Variants in MVB12B observed in about 807,000 individuals in gnomAD.
The protein encoded by MVB12B is ESCRT-I complex subunit MVB12B.
A neutral mutation model predicts 41.6 loss-of-function variants in MVB12B; 16 were observed. The observed-to-expected ratio is 0.38, with a 90% CI of 0.26 to 0.58. MVB12B has a LOEUF of 0.58. Ranked by LOEUF, MVB12B falls within the 20% of genes least tolerant of loss-of-function variation. MVB12B has a pLI of 0.62. For missense variants in MVB12B, 274 were observed against 380.2 expected, an observed-to-expected ratio of 0.72 and a Z score of 2.32; for synonymous variants, 133 against 139.7, an observed-to-expected ratio of 0.95 and a Z score of 0.34.
Position 126,395,790 on chromosome 9 carries a change from C to T in MVB12B, c.662+93C>T, listed in dbSNP as rs1831096271. The T allele has an allele frequency of 2.2e-5, 34 of 1,550,236 alleles. No individual in the cohort carries two copies. Among genetic ancestry groups the T allele is most frequent in the Non-Finnish European group, 3.0e-5 (34 of 1,150,492 alleles). ...CCACCACTTAGTGTCTGCTGAAATA[C>T]TGCAAAGTACAGCTGAATAATTGTA... is the stretch of plus-strand genomic sequence containing the variant. On this transcript the variant is annotated intron_variant, in intron 6 of 9. Coordinates refer to ENST00000361171, the MANE Select transcript of MVB12B (RefSeq NM_033446.3). This position sits in a 1 kb window ranked among gnomAD's most constrained non-coding sequence, Gnocchi z 4.9.
intron 2 of MVB12B, among the ~76,000 whole-genome samples, chr9:126,354,901 C>T (rs988732688): frequency 1.3e-5 from 2 of 152,112 alleles, no homozygotes; most frequent in African/African-American, 2.4e-5. Context: ...GAAATATCAT[C>T]GATTTTCAGC....
chr9:126,404,903 G>A (rs1225982079), intron 6 of MVB12B, among the ~76,000 whole-genome samples: 1 of 152,226 alleles, frequency 6.6e-6, no homozygotes, highest in Admixed American at 6.5e-5. Context: ...GGCCGCTCTT[G>A]GACCCGTATC....
chr9:126,406,140 G>A (rs1213961896), intron 6 of MVB12B, among the ~76,000 whole-genome samples: 1 of 151,934 alleles, frequency 6.6e-6, no homozygotes, highest in Non-Finnish European at 1.5e-5. Context: ...TTCATCCAAG[G>A]GCAGAGAGTT....
intron 7 of MVB12B, among the ~76,000 whole-genome samples, chr9:126,441,573 G>A (rs1008660083): frequency 3.3e-5 from 5 of 152,170 alleles, no homozygotes; most frequent in Admixed American, 1.3e-4. Context: ...TTTCTTAACC[G>A]ATAAGAAGCC....
intron 7 of MVB12B, among the ~76,000 whole-genome samples, chr9:126,423,915 C>T (rs1317392252): frequency 2.0e-5 from 3 of 152,224 alleles, no homozygotes; most frequent in African/African-American, 7.2e-5. Context: ...ACAGTTAAGG[C>T]AAAGTGTGCC....
At chr9:126,424,685 C>T (rs1050550114) in intron 7 of MVB12B, among the ~76,000 whole-genome samples, 3 of 152,222 alleles carry the variant, frequency 2.0e-5, no homozygotes, top group African/African-American at 4.8e-5. Flanking sequence ...ACAGTCCAGT[C>T]GTATCTCTCT....
intron 3 of MVB12B, among the ~76,000 whole-genome samples, chr9:126,382,073 T>A (rs969175946): frequency 2.1e-5 from 3 of 145,674 alleles, no homozygotes; most frequent in African/African-American, 7.6e-5. Context: ...ATATAAATTA[T>A]ATTATAAAAG....
At chr9:126,332,671 C>T (rs1175854528) in intron 1 of MVB12B, among the ~76,000 whole-genome samples, 4 of 152,138 alleles carry the variant, frequency 2.6e-5, no homozygotes, top group Non-Finnish European at 4.4e-5. Flanking sequence ...CTGCTGTTCC[C>T]CCGCCCCTTT....
At chr9:126,412,587 T>C (rs1831683339) in intron 6 of MVB12B, among the ~76,000 whole-genome samples, 1 of 152,208 alleles carries the variant, frequency 6.6e-6, no homozygotes, top group East Asian at 1.9e-4. Context: ...TTTTGCCATC[T>C]TTTTTTCTGA....
chr9:126,366,784 C>G (rs984201236), intron 2 of MVB12B, among the ~76,000 whole-genome samples: 2 of 152,114 alleles, frequency 1.3e-5, no homozygotes, highest in African/African-American at 4.8e-5. Flanking sequence ...TCTCACTTGG[C>G]GTCTGGCCCT....
intron 2 of MVB12B, among the ~76,000 whole-genome samples, chr9:126,373,749 C>G (rs570727504): frequency 1.1e-4 from 16 of 152,292 alleles, no homozygotes; most frequent in Admixed American, 4.6e-4. Context: ...AAGTGCTTCT[C>G]AAGTTTAAAT....
chr9:126,422,455 G>A (rs1044455233), intron 7 of MVB12B, among the ~76,000 whole-genome samples: 4 of 152,294 alleles, frequency 2.6e-5, no homozygotes, highest in East Asian at 1.9e-4. Flanking sequence ...ACCTTGGCAG[G>A]AACTTCATCA....
intron 7 of MVB12B, among the ~76,000 whole-genome samples, chr9:126,453,813 CAT>C (rs371944233): frequency 2.0e-5 from 3 of 152,284 alleles, no homozygotes; most frequent in East Asian, 3.9e-4. Flanking sequence ...TGCATGCTCA[CAT>C]GTGTGCACAC....
At chr9:126,414,451 C>CG (rs567266792) in intron 6 of MVB12B, among the ~76,000 whole-genome samples, 119 of 152,068 alleles carry the variant, frequency 7.8e-4, no homozygotes, top group African/African-American at 2.8e-3. Flanking sequence ...TAACACTCCC[C>CG]GAGGATTTAG....
At chr9:126,444,408 G>A (rs1407487226) in intron 7 of MVB12B, among the ~76,000 whole-genome samples, 1 of 151,992 alleles carries the variant, frequency 6.6e-6, no homozygotes, top group Non-Finnish European at 1.5e-5. Flanking sequence ...CAATTGGAAG[G>A]TGAAGGGGTA....
intron 6 of MVB12B, among the ~76,000 whole-genome samples, chr9:126,415,208 A>G (rs13286659): frequency 0.067 from 10,158 of 152,160 alleles, 481 homozygotes; most frequent in South Asian, 0.14. Context: ...GTCTCTCCTT[A>G]GACAATCCAA....
At chr9:126,411,472 A>G (rs1831648445) in intron 6 of MVB12B, among the ~76,000 whole-genome samples, 1 of 152,204 alleles carries the variant, frequency 6.6e-6, no homozygotes, top group African/African-American at 2.4e-5. Flanking sequence ...GCCTGTTGAT[A>G]CTGGTCCAGC....
In MVB12B at chr9:126,386,422, A is replaced by C. The variant is rs1830794556; in HGVS notation, c.313-140A>C. The C allele has an allele frequency of 6.5e-6, 4 of 619,112 alleles. No individual in the cohort carries two copies. In the East Asian group the frequency reaches 1.1e-4, roughly 18 times the overall value. The allele number at this position is 619,112 out of a possible 1,614,324, so 38.4% of individuals were successfully genotyped here. ...CCTGCATAACCACTGGGGACCATTA[A>C]GTGTCACCTACTCTAATTAACCTGC... is the stretch of plus-strand genomic sequence containing the variant. On this transcript the variant is annotated intron_variant, in intron 3 of 9. Coordinates refer to ENST00000361171, the MANE Select transcript of MVB12B (RefSeq NM_033446.3). This position sits in a 1 kb window ranked among gnomAD's most constrained non-coding sequence, Gnocchi z 4.3.
Position 126,503,288 on chromosome 9 carries a change from G to A in MVB12B, c.*25G>A. The A allele has an allele frequency of 6.5e-7, 1 of 1,537,812 alleles. No individual in the cohort carries two copies. The highest frequency in any genetic ancestry group is 8.8e-7 in the Non-Finnish European group (1 of 1,136,370). ...AGGAGCCAGCGGCCACCTGCGGGGAGACCACCGCCGCCCAGACTACTGACG... is the reference window on the plus strand; with the variant it reads ...AGGAGCCAGCGGCCACCTGCGGGGAAACCACCGCCGCCCAGACTACTGACG... On this transcript the variant is annotated 3_prime_UTR_variant, in exon 10 of 10. Transcript: ENST00000361171.
Sources: allele counts gnomAD v4.1 joint callset (sites outside exome capture counted in the v4.1 genomes callset), GRCh38; gene constraint gnomAD v4.1.1; non-coding constraint Gnocchi (gnomAD v3.1); transcripts MANE v1.5; gene names NCBI Gene and HGNC (gene_info 2026-07-23, HGNC 2026-07-21).